Variants in ITFG1 observed in about 807,000 individuals in gnomAD.
The protein encoded by ITFG1 is integrin alpha FG-GAP repeat containing 1.
Under a neutral mutation model 81.8 loss-of-function variants are expected in ITFG1, and 34 were observed. The observed-to-expected ratio is 0.42, with a 90% CI of 0.32 to 0.55. The LOEUF (loss-of-function observed/expected upper bound fraction) is 0.55. ITFG1 is among the 20% of genes least tolerant of loss of function. ITFG1 has a pLI of 0.17. For synonymous variants in ITFG1, 285 were observed against 270.6 expected (o/e 1.05, Z -0.52); for missense variants, 672 against 755.4 (o/e 0.89, Z 1.29).
At chr16:47,240,021 G>A (rs753399432) in intron 12 of ITFG1, among the ~76,000 whole-genome samples, 3 of 151,972 alleles carry the variant, frequency 2.0e-5, no homozygotes, top group Non-Finnish European at 4.4e-5. Context: ...GCTAGGCACA[G>A]TGGCTCATGC....
Position 47,181,963 on chromosome 16 carries a change from TA to T in ITFG1, c.1454-19300del, listed in dbSNP as rs893653926. Among the ~76,000 whole-genome samples the T allele has an allele frequency of 9.2e-5, 14 of 152,252 alleles. No individual in the cohort carries two copies. In the East Asian group the frequency reaches 2.7e-3, roughly 29 times the overall value. ...AAGGGCGGTGCAAGATGTGCTTTGT[TA>T]AACAGATGCTTGAAGGCAGCAGGCT... On this transcript the variant is annotated intron_variant, in intron 14 of 17. Coordinates refer to ENST00000320640, the MANE Select transcript of ITFG1 (RefSeq NM_030790.5).
chr16:47,391,195 T>C (rs1567483901), intron 6 of ITFG1, among the ~76,000 whole-genome samples: 1 of 152,132 alleles, frequency 6.6e-6, no homozygotes. Flanking sequence ...CAGGGAAATA[T>C]GTTGACTTAG....
intron 13 of ITFG1, among the ~76,000 whole-genome samples, chr16:47,229,896 T>C (rs1965797042): frequency 6.6e-6 from 1 of 152,254 alleles, no homozygotes; most frequent in Non-Finnish European, 1.5e-5. Context: ...CAGTTACTCA[T>C]TGTACAATAC....
intron 8 of ITFG1, among the ~76,000 whole-genome samples, chr16:47,335,049 C>T (rs531381626): frequency 1.9e-4 from 29 of 152,248 alleles, no homozygotes; most frequent in Non-Finnish European, 3.1e-4. Flanking sequence ...ATTACACATA[C>T]ATGCTTTTAT....
intron 6 of ITFG1, among the ~76,000 whole-genome samples, chr16:47,385,125 T>C (rs528732512): frequency 1.3e-5 from 2 of 152,358 alleles, no homozygotes; most frequent in Admixed American, 1.3e-4. Context: ...AGTTATTATA[T>C]TCACATTAGT....
At chr16:47,351,248 T>A (rs1396504813) in intron 8 of ITFG1, among the ~76,000 whole-genome samples, 1 of 152,132 alleles carries the variant, frequency 6.6e-6, no homozygotes, top group Non-Finnish European at 1.5e-5. Context: ...GGGTATTCAA[T>A]TAGGAAAAGA....
In ITFG1 at chr16:47,308,591, C is replaced by A. The variant is rs562681303; in HGVS notation, c.1070+2649G>T. On this transcript the variant is annotated intron_variant, in intron 10 of 17. Coordinates refer to ENST00000320640, the MANE Select transcript of ITFG1 (RefSeq NM_030790.5). ...TTGTAAAATAAAGATAATAACCAAC[C>A]CATGAAAAACGATGGTAAAGTAATA... Among the ~76,000 whole-genome samples, 122 of 152,172 alleles carry A rather than the reference C, an allele frequency of 8.0e-4. 1 individual carries two copies. Among genetic ancestry groups the A allele is most frequent in the African/African-American group, 2.8e-3 (116 of 41,522 alleles).
intron 8 of ITFG1, among the ~76,000 whole-genome samples, chr16:47,325,318 C>T (rs200894304): frequency 1.3e-5 from 2 of 151,402 alleles, no homozygotes; most frequent in East Asian, 3.9e-4. Context: ...GGGACACATT[C>T]AAAGCAGTGT....
chr16:47,332,046 G>A (rs1351479578), intron 8 of ITFG1, among the ~76,000 whole-genome samples: 1 of 152,112 alleles, frequency 6.6e-6, no homozygotes, highest in Non-Finnish European at 1.5e-5. Flanking sequence ...AGACTCTTAT[G>A]TATGAAATGT....
At chr16:47,448,605 T>C (rs1162810064) in intron 5 of ITFG1, 2 of 100,840 alleles carry the variant, frequency 2.0e-5, no homozygotes, top group South Asian at 2.7e-4. Context: ...AGTCAGAAAA[T>C]TTTTTTTTTT....
In ITFG1 at chr16:47,345,627, A is replaced by C. The variant is rs1411772585; in HGVS notation, c.802+20161T>G. The stretch of plus-strand genomic sequence containing the variant: ...AAACTCATATTTTAAGAAAGTTTAC[A>C]AATTTGTGCTGAGCTGTATTTAAAG... On this transcript the variant is annotated intron_variant, in intron 8 of 17. Coordinates refer to ENST00000320640, the MANE Select transcript of ITFG1 (RefSeq NM_030790.5). Among the ~76,000 whole-genome samples, 3 of 152,184 alleles carry C rather than the reference A, an allele frequency of 2.0e-5. No individual in the cohort carries two copies. The East Asian group carries it at 5.8e-4, about 29-fold the overall frequency.
At chr16:47,375,625 T>C (rs879285467) in intron 7 of ITFG1, among the ~76,000 whole-genome samples, 1 of 152,248 alleles carries the variant, frequency 6.6e-6, no homozygotes, top group Non-Finnish European at 1.5e-5. Context: ...CCTGTTAACA[T>C]GCACATTAGG....
chr16:47,404,748 T>A (rs139848941), intron 6 of ITFG1, among the ~76,000 whole-genome samples: 4 of 152,294 alleles, frequency 2.6e-5, no homozygotes, highest in Admixed American at 2.6e-4. Flanking sequence ...CTGTGACTCA[T>A]CCATGTTAAT....
chr16:47,310,283 C>T (rs564775182), intron 10 of ITFG1, among the ~76,000 whole-genome samples: 32 of 152,132 alleles, frequency 2.1e-4, no homozygotes, highest in Non-Finnish European at 3.8e-4. Context: ...AGCAGTAATA[C>T]GTCTGACTTC....
chr16:47,363,433 G>C (rs1008825110), intron 8 of ITFG1, among the ~76,000 whole-genome samples: 6 of 151,840 alleles, frequency 4.0e-5, no homozygotes, highest in Admixed American at 2.6e-4. Flanking sequence ...GCAGTGGCTT[G>C]ACCACAGCTC....
intron 10 of ITFG1, among the ~76,000 whole-genome samples, chr16:47,262,082 G>A (rs780506647): frequency 6.6e-5 from 10 of 152,274 alleles, no homozygotes; most frequent in South Asian, 4.1e-4. Context: ...ATTTCTAAGC[G>A]TTTAACACAG....
chr16:47,303,786 G>A (rs918862886), intron 10 of ITFG1, among the ~76,000 whole-genome samples: 26 of 152,100 alleles, frequency 1.7e-4, no homozygotes, highest in African/African-American at 6.3e-4. Context: ...ACCATGCCTG[G>A]CTAATTTATT....
At chr16:47,305,685 C>T (rs1967146921) in intron 10 of ITFG1, among the ~76,000 whole-genome samples, 1 of 152,120 alleles carries the variant, frequency 6.6e-6, no homozygotes. Flanking sequence ...CCAGACTTGA[C>T]TAGCAAAAGT....
intron 10 of ITFG1, among the ~76,000 whole-genome samples, chr16:47,289,506 AT>A (rs1481287586): frequency 6.6e-6 from 1 of 152,082 alleles, no homozygotes; most frequent in Non-Finnish European, 1.5e-5. Flanking sequence ...GGGACATTTT[AT>A]TCAGGATTAA....
Sources: gnomAD v4.1 joint callset for allele counts (sites outside exome capture counted in the v4.1 genomes callset) on GRCh38, gnomAD v4.1.1 for gene constraint, MANE v1.5 for transcripts, NCBI Gene and HGNC (gene_info 2026-07-23, HGNC 2026-07-21) for gene names.